The following MATCAP2 variants were observed in gnomAD, a reference collection of about 807,000 sequenced individuals.
MATCAP2 encodes microtubule associated tyrosine carboxypeptidase 2.
chr7:36,366,792 T>G, the MATCAP2 span: 1 of 1,533,616 alleles, frequency 6.5e-7, no homozygotes, highest in Non-Finnish European at 8.7e-7. Flanking sequence ...CCCGAAGGGG[T>G]CGGGGCGCAG....
At chr7:36,376,807 A>G in the MATCAP2 span, among the ~76,000 whole-genome samples, 1 of 152,150 alleles carries the variant, frequency 6.6e-6, no homozygotes, top group East Asian at 1.9e-4. Context: ...TAGGATAGTT[A>G]GCTTTTCTTG....
chr7:36,385,840 AATAAAATAAAATAAG>A, the MATCAP2 span, among the ~76,000 whole-genome samples: 7 of 149,198 alleles, frequency 4.7e-5, no homozygotes, highest in Admixed American at 3.3e-4. Flanking sequence ...AATAAAATAA[AATAAAATAAAATAAG>A]ATAAAGAAAG....
At chr7:36,385,342 T>C in the MATCAP2 span, among the ~76,000 whole-genome samples, 41,103 of 152,144 alleles carry the variant, frequency 0.27, 6,468 homozygotes, top group South Asian at 0.49. Flanking sequence ...CTAAAATTCA[T>C]GTGGAAGAAC....
chr7:36,364,804 C>T, the MATCAP2 span, among the ~76,000 whole-genome samples: 1 of 152,142 alleles, frequency 6.6e-6, no homozygotes, highest in South Asian at 2.1e-4. Flanking sequence ...GGGCACAGGG[C>T]TCTAGAATTA....
the MATCAP2 span, chr7:36,324,223 T>C: frequency 6.6e-6 from 1 of 152,250 alleles, no homozygotes; most frequent in African/African-American, 2.4e-5. Context: ...ACACTTCATC[T>C]GAGAACCTTG....
the MATCAP2 span, among the ~76,000 whole-genome samples, chr7:36,329,925 T>C: frequency 1.3e-5 from 2 of 152,084 alleles, no homozygotes; most frequent in African/African-American, 4.8e-5. Context: ...TGTGATGCAA[T>C]GGGAAATACA....
chr7:36,352,396 TAAAAAAAAA>T, the MATCAP2 span, among the ~76,000 whole-genome samples: 1 of 106,186 alleles, frequency 9.4e-6, no homozygotes, highest in African/African-American at 3.6e-5. Context: ...GACTCCATCT[TAAAAAAAAA>T]AAAAAAAAAA....
the MATCAP2 span, among the ~76,000 whole-genome samples, chr7:36,333,392 G>A: frequency 6.6e-6 from 1 of 152,162 alleles, no homozygotes; most frequent in Non-Finnish European, 1.5e-5. Context: ...ATGCTAATGG[G>A]TATGGGTTTC....
the MATCAP2 span, chr7:36,355,941 T>G: frequency 5.3e-5 from 8 of 152,228 alleles, no homozygotes; most frequent in African/African-American, 1.9e-4. Flanking sequence ...AACACAAAAC[T>G]GCTAAGGGCT....
the MATCAP2 span, among the ~76,000 whole-genome samples, chr7:36,382,299 C>CAAAAA: frequency 4.8e-5 from 3 of 62,934 alleles, no homozygotes; most frequent in South Asian, 5.2e-4. Flanking sequence ...GCGTCTGTCT[C>CAAAAA]AAAAAAAAAA....
the MATCAP2 span, chr7:36,357,604 C>A: frequency 6.4e-7 from 1 of 1,562,828 alleles, no homozygotes; most frequent in South Asian, 1.2e-5. Context: ...TGTTAATAAA[C>A]AAAATCAAAA....
chr7:36,365,968 T>C, the MATCAP2 span, among the ~76,000 whole-genome samples: 2 of 152,232 alleles, frequency 1.3e-5, no homozygotes, highest in Admixed American at 1.3e-4. Flanking sequence ...CTACTCCGTA[T>C]AACACTGAAC....
chr7:36,337,036 G>A, the MATCAP2 span, among the ~76,000 whole-genome samples: 2 of 140,490 alleles, frequency 1.4e-5, no homozygotes, highest in East Asian at 4.4e-4. Flanking sequence ...AGGCGGAGGT[G>A]GTGGTGAGCC....
the MATCAP2 span, among the ~76,000 whole-genome samples, chr7:36,328,466 G>A: frequency 0.11 from 17,318 of 152,012 alleles, 1,044 homozygotes; most frequent in East Asian, 0.18. Context: ...AACTCAGCCC[G>A]GTGCCAGTGG....
At chr7:36,367,110 C>G in the MATCAP2 span, 1 of 1,236,372 alleles carries the variant, frequency 8.1e-7, no homozygotes, top group Non-Finnish European at 1.0e-6. Context: ...CGAAGACGTA[C>G]CGACACTGAC....
At chr7:36,379,845 C>CAGAGAGAGAGAGAGAG in the MATCAP2 span, among the ~76,000 whole-genome samples, 67 of 125,292 alleles carry the variant, frequency 5.3e-4, no homozygotes, top group Non-Finnish European at 1.0e-3. Flanking sequence ...CACACACACA[C>CAGAGAGAGAGAGAGAG]ACAGAGAGAG....
At chr7:36,350,364 G>A in the MATCAP2 span, among the ~76,000 whole-genome samples, 1 of 152,042 alleles carries the variant, frequency 6.6e-6, no homozygotes, top group South Asian at 2.1e-4. Context: ...AAAATCAAAA[G>A]ACTGTTTTCA....
chr7:36,382,621 T>A, the MATCAP2 span, among the ~76,000 whole-genome samples: 2 of 152,220 alleles, frequency 1.3e-5, no homozygotes, highest in Admixed American at 1.3e-4. Context: ...GCCTTCCAAG[T>A]AGCTGGGACT....
At chr7:36,370,833 T>C in the MATCAP2 span, among the ~76,000 whole-genome samples, 4 of 152,222 alleles carry the variant, frequency 2.6e-5, no homozygotes, top group African/African-American at 9.6e-5. Context: ...TCCTTCACCC[T>C]TTTTAAAGTT....
Sources: gnomAD v4.1 joint callset for allele counts (sites outside exome capture counted in the v4.1 genomes callset) on GRCh38, gnomAD v4.1.1 for gene constraint, MANE v1.5 for transcripts, NCBI Gene and HGNC (gene_info 2026-07-23, HGNC 2026-07-21) for gene names.